The following PLA2G4A variants were observed in gnomAD, a reference collection of about 807,000 sequenced individuals.
The protein encoded by PLA2G4A is cytosolic phospholipase A2.
In PLA2G4A, 40 loss-of-function variants were observed where a neutral mutation model predicts 81.9. The ratio of observed to expected loss-of-function variants is 0.49; its 90% CI spans 0.38 to 0.64. PLA2G4A has a LOEUF of 0.64. Ranked by LOEUF, PLA2G4A falls within the 30% of genes least tolerant of loss-of-function variation. The probability of loss-of-function intolerance (pLI) is 0.00; values close to 1 mark genes in which losing one functional copy is unlikely to be tolerated. For missense variants in PLA2G4A, 715 were observed against 905.1 expected (o/e 0.79, Z 2.69); for synonymous variants, 302 against 296.9 (o/e 1.02, Z -0.18).
chr1:186,915,104 A>G (rs1655092720), intron 7 of PLA2G4A, among the ~76,000 whole-genome samples: 1 of 152,110 alleles, frequency 6.6e-6, no homozygotes, highest in Non-Finnish European at 1.5e-5. Flanking sequence ...TTTTCCAAAC[A>G]TGGCCCCAGG....
At chr1:186,954,574 AATTTT>A (rs1357079105) in intron 13 of PLA2G4A, among the ~76,000 whole-genome samples, 3 of 152,064 alleles carry the variant, frequency 2.0e-5, no homozygotes, top group African/African-American at 7.2e-5. Context: ...TGTACCCTAT[AATTTT>A]AAGTGTAATA....
intron 7 of PLA2G4A, 87 bp from the exon 8 acceptor site, chr1:186,932,676 G>A: frequency 7.9e-7 from 1 of 1,268,834 alleles, no homozygotes; most frequent in Non-Finnish European, 1.2e-6. Flanking sequence ...CAAAATATGG[G>A]ATGTATAACA....
intron 8 of PLA2G4A, among the ~76,000 whole-genome samples, chr1:186,934,390 CCT>C (rs1412920514): frequency 5.5e-5 from 8 of 146,150 alleles, no homozygotes; most frequent in Non-Finnish European, 6.0e-5. Context: ...CTCACATTCC[CCT>C]GTCAGTAAAC....
chr1:186,836,784 A>G (rs1225878074), intron 1 of PLA2G4A, among the ~76,000 whole-genome samples: 2 of 152,356 alleles, frequency 1.3e-5, no homozygotes, highest in Middle Eastern at 3.4e-3. Flanking sequence ...TAAAGCAGGT[A>G]TAGTTCATTC....
intron 3 of PLA2G4A, among the ~76,000 whole-genome samples, chr1:186,878,671 T>C (rs1157293577): frequency 6.6e-6 from 1 of 151,864 alleles, no homozygotes; most frequent in Non-Finnish European, 1.5e-5. Context: ...GTTTACGAAG[T>C]TGTTAAGTGG....
chr1:186,870,745 G>C, intron 3 of PLA2G4A: 2 of 1,545,874 alleles, frequency 1.3e-6, no homozygotes, highest in Non-Finnish European at 1.8e-6. Context: ...GGTGACATGC[G>C]TAAGAGTGCC....
chr1:186,928,095 G>T (rs1655614411), intron 7 of PLA2G4A, among the ~76,000 whole-genome samples: 1 of 152,056 alleles, frequency 6.6e-6, no homozygotes, highest in Non-Finnish European at 1.5e-5. Context: ...CTTATCTGAG[G>T]AAGTGGTGGG....
chr1:186,864,039 T>C (rs944953975), intron 2 of PLA2G4A, among the ~76,000 whole-genome samples: 128 of 394 alleles, frequency 0.32, 1 homozygote, highest in African/African-American at 0.45. Flanking sequence ...GTGCTGGGAT[T>C]AAGGCATGAG....
intron 15 of PLA2G4A, among the ~76,000 whole-genome samples, chr1:186,975,640 G>A (rs1657504895): frequency 6.6e-6 from 1 of 152,216 alleles, no homozygotes; most frequent in Admixed American, 6.5e-5. Flanking sequence ...ATAGAGATGA[G>A]ATGGGATTGG....
chr1:186,946,991 A>C (rs1656369875), intron 12 of PLA2G4A, 30 bp downstream of exon 12: 1 of 1,165,516 alleles, frequency 8.6e-7, no homozygotes, highest in African/African-American at 1.5e-5. Context: ...ACATTGATAC[A>C]AATCTTGCTA....
intron 1 of PLA2G4A, among the ~76,000 whole-genome samples, chr1:186,834,176 A>T (rs1298023676): frequency 6.6e-6 from 1 of 152,062 alleles, no homozygotes; most frequent in African/African-American, 2.4e-5. Context: ...TTGTTTTGTT[A>T]TTTAATTTAC....
At chr1:186,979,943 C>CTTT (rs34029312) in intron 17 of PLA2G4A, among the ~76,000 whole-genome samples, 3,430 of 98,830 alleles carry the variant, frequency 0.035, 54 homozygotes, top group East Asian at 0.066. Context: ...ACAGCATTTC[C>CTTT]TTTTTTTTTT....
intron 1 of PLA2G4A, among the ~76,000 whole-genome samples, chr1:186,839,064 T>TA (rs11455181): frequency 0.48 from 72,178 of 151,936 alleles, 18,357 homozygotes; most frequent in African/African-American, 0.66. Context: ...TCCTCAAAGT[T>TA]AAAAAAACAT....
rs1441771615 is a variant in PLA2G4A at position 186,965,569 on chromosome 1, A to G, written c.1740A>G (p.Pro580=). ...TCTCCTTTGACTTTTCTGCAAGGCC[A>G]AGTGACTCTAGTCCTCCGTTCAAGG... ...LIISFDFSAR[P]SDSSPPFKEL... is the part of the protein sequence containing the mutation. Residue 580 remains proline (P), a synonymous_variant, in exon 15 of 18, where the codon CCA becomes CCG. Transcript: ENST00000367466. 4 of 1,612,574 alleles carry G rather than the reference A, an allele frequency of 2.5e-6. No homozygotes were observed. The African/African-American group carries it at 5.3e-5, about 22-fold the overall frequency.
At chr1:186,964,858 G>A (rs1446569432) in intron 14 of PLA2G4A, among the ~76,000 whole-genome samples, 1 of 152,164 alleles carries the variant, frequency 6.6e-6, no homozygotes, top group Non-Finnish European at 1.5e-5. Context: ...TTGGCTGGAT[G>A]ATTTCCTTGA....
Position 186,977,782 on chromosome 1 carries a change from G to T in PLA2G4A, c.1954G>T (p.Ala652Ser), listed in dbSNP as rs777146045. The T allele has an allele frequency of 2.8e-5, 45 of 1,600,050 alleles. No homozygotes were observed. In the South Asian group the frequency reaches 3.9e-4, roughly 14 times the overall value. ...CAACATCAACTTCAGAAAGTACAGGGCTCCAGGTAAGTAGGGAGTAAGCTG... is the reference window on the plus strand; with the variant it reads ...CAACATCAACTTCAGAAAGTACAGGTCTCCAGGTAAGTAGGGAGTAAGCTG... ...LANINFRKYR[A>S]PGVPRETEEE... Residue 652 changes from alanine (A) to serine (S), a missense_variant, in exon 16 of 18, where the codon GCT (alanine) becomes TCT (serine). Ala to Ser is a moderately conservative substitution (Grantham distance 99, BLOSUM62 1). Coordinates refer to ENST00000367466, the MANE Select transcript of PLA2G4A (RefSeq NM_024420.3).
At chr1:186,868,860 C>T (rs138151757) in intron 2 of PLA2G4A, among the ~76,000 whole-genome samples, 79 of 151,050 alleles carry the variant, frequency 5.2e-4, no homozygotes, top group African/African-American at 9.7e-4. Context: ...AATGTCCACG[C>T]GATCTGTAAT....
intron 3 of PLA2G4A, among the ~76,000 whole-genome samples, chr1:186,888,944 A>C (rs971604392): frequency 6.6e-5 from 10 of 152,282 alleles, no homozygotes; most frequent in African/African-American, 2.4e-4. Flanking sequence ...CATTAATTGA[A>C]TACTTTCCTT....
At chr1:186,893,189 G>T (rs768658976) in intron 4 of PLA2G4A, 30 bp downstream of exon 4, 2 of 1,584,810 alleles carry the variant, frequency 1.3e-6, no homozygotes, top group Non-Finnish European at 1.7e-6. Context: ...GCTGTTAGAT[G>T]GTTGTGATTC....
Sources: allele counts gnomAD v4.1 joint callset (sites outside exome capture counted in the v4.1 genomes callset), GRCh38; gene constraint gnomAD v4.1.1; transcripts MANE v1.5; gene names NCBI Gene and HGNC (gene_info 2026-07-23, HGNC 2026-07-21).